Variants in LHPP observed in about 807,000 individuals in gnomAD.
LHPP encodes the protein phospholysine phosphohistidine inorganic pyrophosphate phosphatase.
In LHPP, 24 loss-of-function variants were observed where a neutral mutation model predicts 30.3. The observed-to-expected ratio is 0.79, with a 90% CI of 0.57 to 1.11. The LOEUF (loss-of-function observed/expected upper bound fraction) is 1.11, where lower values mean the gene tolerates loss of function less well. Ranked by LOEUF, LHPP falls within the 50% of genes most tolerant of loss-of-function variation. The pLI, the probability that LHPP is intolerant of heterozygous loss-of-function variation, is 0.00. For synonymous variants in LHPP, 150 were observed against 157.1 expected, an observed-to-expected ratio of 0.95 and a Z score of 0.34; for missense variants, 356 against 367.2, an observed-to-expected ratio of 0.97 and a Z score of 0.25.
intron 6 of LHPP, 48 bp from the exon 7 acceptor site, chr10:124,613,216 G>C (rs1949224703): frequency 7.2e-7 from 1 of 1,390,978 alleles, no homozygotes; most frequent in South Asian, 1.2e-5. Context: ...TGTGGCTGCA[G>C]AGGGGTCAGC....
chr10:124,602,705 G>A (rs1240154980), intron 6 of LHPP, among the ~76,000 whole-genome samples: 1 of 152,152 alleles, frequency 6.6e-6, no homozygotes, highest in African/African-American at 2.4e-5. Flanking sequence ...AGGAAAGGGG[G>A]TTCAGTTAGC....
At chr10:124,506,616 C>CA (rs1277999851) in intron 5 of LHPP, among the ~76,000 whole-genome samples, 3 of 147,170 alleles carry the variant, frequency 2.0e-5, no homozygotes, top group Non-Finnish European at 4.4e-5. Flanking sequence ...CAGGGAGGAC[C>CA]AGCGGTGCAG....
At chr10:124,477,076 G>A (rs764772505) in intron 1 of LHPP, among the ~76,000 whole-genome samples, 4 of 152,184 alleles carry the variant, frequency 2.6e-5, no homozygotes, top group African/African-American at 7.2e-5. Context: ...GGTGGCACGC[G>A]CCTGTAGTCC....
chr10:124,466,997 G>A (rs1952569155), intron 1 of LHPP, among the ~76,000 whole-genome samples: 1 of 151,706 alleles, frequency 6.6e-6, no homozygotes, highest in African/African-American at 2.4e-5. Flanking sequence ...GGTGGTGCAC[G>A]CCTGTAGTCC....
intron 6 of LHPP, among the ~76,000 whole-genome samples, chr10:124,609,139 CTCTTGCATA>C (rs1434002828): frequency 6.6e-6 from 1 of 152,252 alleles, no homozygotes; most frequent in African/African-American, 2.4e-5. Context: ...CATTTGGTCT[CTCTTGCATA>C]TTACTCTCTT....
rs753805295 is a variant in LHPP at position 124,613,351 on chromosome 10, C to T, written c.804C>T (p.Ala268=). 30 of 1,611,814 alleles carry T rather than the reference C, an allele frequency of 1.9e-5. No individual in the cohort carries two copies. Among genetic ancestry groups the T allele is most frequent in the Non-Finnish European group, 2.4e-5 (28 of 1,179,264 alleles). The part of the protein sequence containing the change: ...AEAVDLLLQH[A]DK Reference sequence around the variant, plus strand: ...CAGTGGACCTGCTGCTGCAGCACGCCGACAAGTGATGGCCTCCTGGGAGAG... The same window carrying T: ...CAGTGGACCTGCTGCTGCAGCACGCTGACAAGTGATGGCCTCCTGGGAGAG... Residue 268 remains alanine, a synonymous_variant, in exon 7 of 7, where the codon GCC becomes GCT. Transcript: ENST00000368842.
At chr10:124,479,124 C>T (rs1170878208) in intron 1 of LHPP, among the ~76,000 whole-genome samples, 1 of 151,922 alleles carries the variant, frequency 6.6e-6, no homozygotes, top group Non-Finnish European at 1.5e-5. Flanking sequence ...CAAATCCCCA[C>T]TCCCATGGGA....
At chr10:124,568,035 C>T (rs1180803942) in intron 6 of LHPP, among the ~76,000 whole-genome samples, 1 of 152,232 alleles carries the variant, frequency 6.6e-6, no homozygotes, top group African/African-American at 2.4e-5. Context: ...GCCTCAGCCT[C>T]CTTAGTAGGG....
chr10:124,508,790 C>T (rs953802097), intron 5 of LHPP, among the ~76,000 whole-genome samples: 1 of 152,180 alleles, frequency 6.6e-6, no homozygotes, highest in Non-Finnish European at 1.5e-5. Flanking sequence ...TCTATATATA[C>T]ATTTTTAACA....
At chr10:124,543,412 C>T (rs918727390) in intron 6 of LHPP, among the ~76,000 whole-genome samples, 1 of 152,258 alleles carries the variant, frequency 6.6e-6, no homozygotes, top group African/African-American at 2.4e-5. Flanking sequence ...GTGGCTGTAC[C>T]GTGGCTGCGG....
chr10:124,542,249 C>T (rs1048263156), intron 6 of LHPP, among the ~76,000 whole-genome samples: 1 of 152,184 alleles, frequency 6.6e-6, no homozygotes, highest in African/African-American at 2.4e-5. Context: ...CGGACTGTGA[C>T]CCCAGGCTGT....
At chr10:124,569,887 G>A (rs577093945) in intron 6 of LHPP, among the ~76,000 whole-genome samples, 7 of 152,268 alleles carry the variant, frequency 4.6e-5, no homozygotes, top group African/African-American at 1.7e-4. Flanking sequence ...ACGTACACCC[G>A]TGTAACCCCC....
intron 1 of LHPP, among the ~76,000 whole-genome samples, chr10:124,483,158 A>T (rs569310673): frequency 1.3e-5 from 2 of 152,314 alleles, no homozygotes; most frequent in Admixed American, 6.5e-5. Context: ...TGAGACCTCC[A>T]GGCTGGGTTT....
intron 6 of LHPP, among the ~76,000 whole-genome samples, chr10:124,567,596 G>A (rs1169882300): frequency 1.3e-5 from 2 of 152,220 alleles, no homozygotes; most frequent in Non-Finnish European, 2.9e-5. Context: ...ACAGGGCAAC[G>A]CTCTGGCTTG....
chr10:124,575,341 C>G (rs989149723), intron 6 of LHPP, among the ~76,000 whole-genome samples: 1 of 152,078 alleles, frequency 6.6e-6, no homozygotes, highest in East Asian at 1.9e-4. Context: ...CCAAGCTGTC[C>G]GCATCTCCAA....
At chr10:124,598,941 G>A (rs552789790) in intron 6 of LHPP, among the ~76,000 whole-genome samples, 5 of 140,656 alleles carry the variant, frequency 3.6e-5, no homozygotes, top group East Asian at 2.2e-4. Context: ...GTCCATCCCC[G>A]TCCATCCATC....
intron 6 of LHPP, among the ~76,000 whole-genome samples, chr10:124,588,098 G>A (rs1411062292): frequency 6.6e-6 from 1 of 152,226 alleles, no homozygotes; most frequent in African/African-American, 2.4e-5. Flanking sequence ...ACAGAGAGCA[G>A]AAGTTTGAGA....
At chr10:124,522,386 A>T (rs1954631390) in intron 6 of LHPP, among the ~76,000 whole-genome samples, 1 of 152,106 alleles carries the variant, frequency 6.6e-6, no homozygotes, top group Admixed American at 6.5e-5. Flanking sequence ...GGCCCTGGAC[A>T]ACAGTGTCTC....
chr10:124,463,159 T>C (rs984549666), intron 1 of LHPP, among the ~76,000 whole-genome samples: 1 of 151,924 alleles, frequency 6.6e-6, no homozygotes, highest in Non-Finnish European at 1.5e-5. Flanking sequence ...GTGAGCCACA[T>C]GCCCAGTTGA....
Sources: gnomAD v4.1 joint callset for allele counts (sites outside exome capture counted in the v4.1 genomes callset) on GRCh38, gnomAD v4.1.1 for gene constraint, MANE v1.5 for transcripts, NCBI Gene and HGNC (gene_info 2026-07-23, HGNC 2026-07-21) for gene names.